The following ACSL6 variants were observed in gnomAD, a reference collection of about 807,000 sequenced individuals.
ACSL6 encodes acyl-CoA synthetase long chain family member 6.
A neutral mutation model predicts 98.2 loss-of-function variants in ACSL6; 47 were observed. That is an observed-to-expected ratio of 0.48 (90% CI 0.38 to 0.61). The LOEUF (loss-of-function observed/expected upper bound fraction) is 0.61, where lower values mean the gene tolerates loss of function less well. ACSL6 is among the 20% of genes least tolerant of loss of function. The probability of loss-of-function intolerance (pLI) is 0.00; values close to 1 mark genes in which losing one functional copy is unlikely to be tolerated. For synonymous variants in ACSL6, 362 were observed against 336.9 expected (o/e 1.07, Z -0.82); for missense variants, 761 against 913.4 (o/e 0.83, Z 2.15).
intron 18 of ACSL6, 91 bp from the exon 19 acceptor site, chr5:131,960,712 T>C (rs1752662624): frequency 9.7e-6 from 9 of 928,478 alleles, no homozygotes; most frequent in Non-Finnish European, 1.4e-5. Flanking sequence ...AGACTCCACC[T>C]TTTTCAAAAA....
At chr5:131,990,079 G>T in intron 4 of ACSL6, 21 bp downstream of exon 4, 1 of 1,612,274 alleles carries the variant, frequency 6.2e-7, no homozygotes, top group Non-Finnish European at 8.5e-7. Context: ...GCCAGGGTGG[G>T]GCCTGTCCTG....
In ACSL6 at chr5:131,988,810, T is replaced by C; in HGVS notation, c.647A>G (p.Asn216Ser). The change falls in exon 6 of 21, where the codon AAT (asparagine) becomes AGT (serine). Residue 216 changes from asparagine (N) to serine (S), a missense_variant. Coordinates refer to ENST00000651883, the MANE Select transcript of ACSL6 (RefSeq NM_001009185.3). ...TGGGGTGGCAGTGGGCTTACCTGTA[T>C]TGATGATGTAGCGGATAGCCCCAGG... ...LGPGAIRYII[N>S]TADISTVIVD... The C allele has an allele frequency of 6.2e-7, 1 of 1,613,618 alleles. No individual in the cohort carries two copies. Among genetic ancestry groups the C allele is most frequent in the Non-Finnish European group, 8.5e-7 (1 of 1,179,860 alleles).
intron 15 of ACSL6, among the ~76,000 whole-genome samples, chr5:131,969,065 T>G (rs765269173): frequency 1.3e-5 from 2 of 152,200 alleles, no homozygotes; most frequent in Non-Finnish European, 2.9e-5. Flanking sequence ...ATCCATGGGC[T>G]GCCTACTACA....
Position 131,989,518 on chromosome 5 carries a change from G to C in ACSL6, c.451-10C>G. On this transcript the variant is annotated splice_polypyrimidine_tract_variant and intron_variant, in intron 4 of 20. Coordinates refer to ENST00000651883, the MANE Select transcript of ACSL6 (RefSeq NM_001009185.3). ...CAGCCCTGTCGGCCACCTGCACACA[G>C]ATGTGGGGAAGTGATGGGAAAACAA... 2 of 1,550,940 alleles carry C rather than the reference G, an allele frequency of 1.3e-6. No individual in the cohort carries two copies. The highest frequency in any genetic ancestry group is 1.1e-5 in the South Asian group (1 of 90,296).
intron 15 of ACSL6, among the ~76,000 whole-genome samples, chr5:131,969,348 T>C (rs1453072051): frequency 6.6e-6 from 1 of 152,224 alleles, no homozygotes; most frequent in Non-Finnish European, 1.5e-5. Context: ...TCCTTAGTCC[T>C]GTCTTTTAAA....
At position 132,011,399 on chromosome 5, in the gene ACSL6, G is replaced by T; in HGVS notation, c.49+106C>A. The T allele has an allele frequency of 8.1e-7, 1 of 1,230,482 alleles. No homozygotes were observed. Among genetic ancestry groups the T allele is most frequent in the South Asian group, 1.2e-5 (1 of 80,184 alleles). 76.2% of individuals were successfully genotyped at this position (1,230,482 alleles called of 1,614,324 possible). On this transcript the variant is annotated intron_variant, in intron 1 of 20. Transcript: ENST00000651883. This position sits in a 1 kb window ranked among gnomAD's most constrained non-coding sequence, Gnocchi z 5.4. ...CTTGACGGGACAGCTCAGCAGCAGG[G>T]GATGGGGGCTCGGCGGCCGCGGAGA...
chr5:131,986,886 C>T, intron 7 of ACSL6, 32 bp from the exon 8 acceptor site: 1 of 1,613,164 alleles, frequency 6.2e-7, no homozygotes, highest in South Asian at 1.1e-5. Context: ...TTTAAATGCT[C>T]AAAAGTTCTC....
chr5:131,983,381 C>T (rs773721008), intron 9 of ACSL6: 6 of 152,152 alleles, frequency 3.9e-5, no homozygotes, highest in Admixed American at 2.0e-4. Flanking sequence ...CAGATTTTTT[C>T]CACCACATGC....
intron 1 of ACSL6, chr5:132,003,490 C>T (rs1359942251): frequency 6.6e-6 from 1 of 152,244 alleles, no homozygotes; most frequent in African/African-American, 2.4e-5. Context: ...TGCAAATGGC[C>T]GCCTCCCAGG....
chr5:131,978,339 G>T (rs1753725972), intron 9 of ACSL6, among the ~76,000 whole-genome samples: 1 of 152,186 alleles, frequency 6.6e-6, no homozygotes, highest in South Asian at 2.1e-4. Flanking sequence ...GCTCATGAAG[G>T]CAGCCATGAA....
intron 2 of ACSL6, among the ~76,000 whole-genome samples, chr5:131,991,827 C>A (rs1206917240): frequency 1.4e-5 from 2 of 147,460 alleles, no homozygotes; most frequent in Non-Finnish European, 3.0e-5. Flanking sequence ...AGGAAAAAAA[C>A]ATCTGTGAGA....
In ACSL6 at chr5:131,952,715, A is replaced by G. The variant is rs1752214325; in HGVS notation, c.*1519T>C. ...TATAAGAAATTGTTGACACCCCAAT[A>G]CAGGGTGCATCTAAATACATAATGC... On this transcript the variant is annotated 3_prime_UTR_variant, in exon 21 of 21. Transcript: ENST00000651883. The G allele has an allele frequency of 4.6e-6, 1 of 216,192 alleles. No homozygotes were observed. Among genetic ancestry groups the G allele is most frequent in the Non-Finnish European group, 9.3e-6 (1 of 107,570 alleles). 13.4% of individuals were successfully genotyped at this position (216,192 alleles called of 1,614,324 possible). A position where few individuals can be genotyped will look rare whatever the true frequency, so the allele number is the denominator to read the frequency against.
chr5:131,975,119 G>T, intron 10 of ACSL6, 149 bp from the exon 11 acceptor site: 1 of 1,407,194 alleles, frequency 7.1e-7, no homozygotes, highest in Non-Finnish European at 9.4e-7. Flanking sequence ...AGAGAGAGAG[G>T]TGAGATGAAA....
In ACSL6 at chr5:131,952,775, G is replaced by A. The variant is rs676944; in HGVS notation, c.*1459C>T. ...GGTTTTAGTGGTTAAACTTCGGCACGCTTAAAGATTTTAGGAATGTAATTA... is the reference window on the plus strand; with the variant it reads ...GGTTTTAGTGGTTAAACTTCGGCACACTTAAAGATTTTAGGAATGTAATTA... On this transcript the variant is annotated 3_prime_UTR_variant, in exon 21 of 21. Transcript: ENST00000651883. 71,256 of 217,138 alleles carry A rather than the reference G, an allele frequency of 0.33. 14,666 individuals carry two copies. The highest frequency in any genetic ancestry group is 0.62 in the African/African-American group (27,408 of 44,478). The allele number at this position is 217,138 out of a possible 1,614,324, so 13.5% of individuals were successfully genotyped here.
chr5:131,969,874 TG>T (rs1753211704), intron 15 of ACSL6, among the ~76,000 whole-genome samples: 1 of 152,166 alleles, frequency 6.6e-6, no homozygotes. Context: ...GGGTAGCCCA[TG>T]GATTACTCAC....
intron 1 of ACSL6, among the ~76,000 whole-genome samples, chr5:132,005,109 G>A (rs988740124): frequency 5.9e-5 from 9 of 152,108 alleles, no homozygotes; most frequent in African/African-American, 7.2e-5. Flanking sequence ...CCAAGATCAC[G>A]CCATTGCACT....
chr5:131,993,447 C>G (rs1444142667), intron 2 of ACSL6: 1 of 159,718 alleles, frequency 6.3e-6, no homozygotes, highest in Non-Finnish European at 1.4e-5. Context: ...GATACATTAT[C>G]TATTCCAAAT....
chr5:131,975,807 T>A, intron 10 of ACSL6: 1 of 985,482 alleles, frequency 1.0e-6, no homozygotes, highest in Non-Finnish European at 1.2e-6. Context: ...TTCCCTGCTC[T>A]CCACCCCTTT....
intron 14 of ACSL6, among the ~76,000 whole-genome samples, chr5:131,970,991 T>G (rs1753275300): frequency 2.0e-5 from 3 of 152,064 alleles, no homozygotes; most frequent in Admixed American, 2.0e-4. Context: ...AGCAGAAAAA[T>G]TTAAGCACGC....
Sources: allele counts gnomAD v4.1 joint callset (sites outside exome capture counted in the v4.1 genomes callset), GRCh38; gene constraint gnomAD v4.1.1; non-coding constraint Gnocchi (gnomAD v3.1); transcripts MANE v1.5; gene names NCBI Gene and HGNC (gene_info 2026-07-23, HGNC 2026-07-21).